JAKMIP2: variants seen among roughly 807,000 people sequenced by gnomAD.
The protein encoded by JAKMIP2 is janus kinase and microtubule-interacting protein 2.
In JAKMIP2, 25 loss-of-function variants were observed where a neutral mutation model predicts 115.0. The ratio of observed to expected loss-of-function variants is 0.22; its 90% CI spans 0.16 to 0.30. The LOEUF is 0.30. JAKMIP2 is among the 10% of genes least tolerant of loss of function. The pLI, the probability that JAKMIP2 is intolerant of heterozygous loss-of-function variation, is 1.00. For synonymous variants in JAKMIP2, 334 were observed against 343.6 expected (o/e 0.97, Z 0.31); for missense variants, 642 against 957.6 (o/e 0.67, Z 4.35).
At chr5:147,600,102 T>A (rs1405848053) in intron 21 of JAKMIP2, among the ~76,000 whole-genome samples, 1 of 148,614 alleles carries the variant, frequency 6.7e-6, no homozygotes, top group East Asian at 2.0e-4. Flanking sequence ...TTTTTTTTTT[T>A]TTTTTTTTTG....
chr5:147,725,823 T>C (rs1753494268), intron 1 of JAKMIP2, among the ~76,000 whole-genome samples: 2 of 152,152 alleles, frequency 1.3e-5, no homozygotes, highest in South Asian at 4.1e-4. Context: ...ATTGCTATTC[T>C]CTTTGGATTA....
chr5:147,685,510 A>T (rs752842891), intron 1 of JAKMIP2, among the ~76,000 whole-genome samples: 1 of 152,210 alleles, frequency 6.6e-6, no homozygotes, highest in Non-Finnish European at 1.5e-5. Context: ...GGCAGTGCAT[A>T]ATAACATGGC....
chr5:147,719,662 G>T (rs200928383), intron 1 of JAKMIP2, among the ~76,000 whole-genome samples: 66,667 of 149,216 alleles, frequency 0.45, 15,854 homozygotes, highest in African/African-American at 0.61. Context: ...CAGAGACTAG[G>T]ATTGCAACCC....
chr5:147,596,142 C>T (rs946442170), intron 21 of JAKMIP2, among the ~76,000 whole-genome samples: 1 of 151,950 alleles, frequency 6.6e-6, no homozygotes, highest in African/African-American at 2.4e-5. Flanking sequence ...TGAGAGATTG[C>T]CCGTGTGGTT....
intron 20 of JAKMIP2, 96 bp downstream of exon 20, chr5:147,612,210 A>T (rs952175267): frequency 2.3e-6 from 2 of 869,858 alleles, no homozygotes; most frequent in African/African-American, 3.3e-5. Context: ...CAAGACACAC[A>T]ATAACTGAGA....
intron 1 of JAKMIP2, among the ~76,000 whole-genome samples, chr5:147,743,522 C>A (rs1463427737): frequency 6.6e-6 from 1 of 152,182 alleles, no homozygotes; most frequent in East Asian, 1.9e-4. Flanking sequence ...TGAGGTTTGA[C>A]ACACAGAAAC....
intron 1 of JAKMIP2, among the ~76,000 whole-genome samples, chr5:147,720,880 C>T (rs1753247544): frequency 6.6e-6 from 1 of 152,160 alleles, no homozygotes; most frequent in Admixed American, 6.5e-5. Flanking sequence ...AGCTTTGTTC[C>T]ATTGCTGGTG....
intron 3 of JAKMIP2, among the ~76,000 whole-genome samples, chr5:147,659,767 G>A (rs1339994602): frequency 1.3e-5 from 2 of 152,094 alleles, no homozygotes; most frequent in African/African-American, 4.8e-5. Flanking sequence ...CACTGTGTTT[G>A]GTCTTTATTG....
Position 147,742,155 on chromosome 5 carries a change from A to ATATATATATATATATTTTT in JAKMIP2, c.-149+40300_-149+40301insAAAAATATATATATATATA. Among the ~76,000 whole-genome samples, 60 of 108,880 alleles carry ATATATATATATATATTTTT rather than the reference A, an allele frequency of 5.5e-4. 3 individuals are homozygous for ATATATATATATATATTTTT. The highest frequency in any genetic ancestry group is 2.0e-3 in the East Asian group (6 of 3,060). 71.4% of individuals were successfully genotyped at this position (108,880 alleles called of 152,430 possible). On this transcript the variant is annotated intron_variant, in intron 1 of 21. Coordinates refer to ENST00000616793, the MANE Select transcript of JAKMIP2 (RefSeq NM_001270941.2). Reference sequence around the variant, plus strand: ...TGTGGATCATTATATATATATATATATTTTTTTTACTATTGTATTGTATCT... The same window carrying ATATATATATATATATTTTT: ...TGTGGATCATTATATATATATATATATATATATATATATATTTTTTTTTTTTTACTATTGTATTGTATCT...
At chr5:147,755,769 T>G (rs1754722871) in intron 1 of JAKMIP2, among the ~76,000 whole-genome samples, 1 of 152,110 alleles carries the variant, frequency 6.6e-6, no homozygotes, top group African/African-American at 2.4e-5. Context: ...TCCTCCCACC[T>G]CAGCCACCGG....
rs1338319225 is a variant in JAKMIP2 at position 147,588,696 on chromosome 5, A to G, written c.*3011T>C. ...AATCTCCCAGATCTTAAGCAAAAAG[A>G]AAAAACAAGCAAACCTTTTGCCTGG... On this transcript the variant is annotated 3_prime_UTR_variant, in exon 22 of 22. Coordinates refer to ENST00000616793, the MANE Select transcript of JAKMIP2 (RefSeq NM_001270941.2). 6.6e-6 allele frequency: 1 copy of G among 152,216 alleles called. No individual in the cohort carries two copies. Among genetic ancestry groups the G allele is most frequent in the Non-Finnish European group, 1.5e-5 (1 of 68,042 alleles). The allele number at this position is 152,216 out of a possible 1,614,324, so 9.4% of individuals were successfully genotyped here. A position where few individuals can be genotyped will look rare whatever the true frequency, so the allele number is the denominator to read the frequency against.
chr5:147,616,137 C>T (rs969982742), intron 19 of JAKMIP2, among the ~76,000 whole-genome samples: 1 of 152,004 alleles, frequency 6.6e-6, no homozygotes, highest in East Asian at 1.9e-4. Context: ...CATCAGTTCA[C>T]TCTTAAACAT....
intron 18 of JAKMIP2, among the ~76,000 whole-genome samples, chr5:147,620,317 G>T (rs544818741): frequency 6.6e-6 from 1 of 152,258 alleles, no homozygotes; most frequent in Admixed American, 6.5e-5. Flanking sequence ...GTTTCACCAT[G>T]TTGCTCACGC....
intron 1 of JAKMIP2, among the ~76,000 whole-genome samples, chr5:147,774,290 G>T (rs531368105): frequency 6.6e-6 from 1 of 152,184 alleles, no homozygotes; most frequent in East Asian, 1.9e-4. Flanking sequence ...TTCATAATCT[G>T]AATTACCTAG....
intron 19 of JAKMIP2, among the ~76,000 whole-genome samples, chr5:147,613,451 G>A (rs1399563315): frequency 1.3e-5 from 2 of 152,210 alleles, no homozygotes; most frequent in African/African-American, 2.4e-5. Context: ...CTCTTTAAAA[G>A]AGTAGATCTC....
intron 1 of JAKMIP2, among the ~76,000 whole-genome samples, chr5:147,721,012 T>C (rs1198362099): frequency 2.6e-5 from 4 of 151,656 alleles, no homozygotes; most frequent in Admixed American, 6.6e-5. Flanking sequence ...GATGGTGATG[T>C]ACAGATGGGT....
chr5:147,661,159 T>G lies in JAKMIP2; in HGVS notation c.416A>C (p.Glu139Ala), dbSNP rs767908268. ...VRTALTIEAR[E>A]EARKLFDTER... ...TGTGTCAAACAGTTTCCGGGCCTCCTCCCGGGCCTCAATGGTGAGCGCTGT... is the reference window on the plus strand; with the variant it reads ...TGTGTCAAACAGTTTCCGGGCCTCCGCCCGGGCCTCAATGGTGAGCGCTGT... Residue 139 changes from glutamate to alanine, a missense_variant, in exon 3 of 22, where the codon GAG (glutamate) becomes GCG (alanine). This residue lies in a region of JAKMIP2 where 439 missense variants were observed against 570.9 expected (regional missense o/e 0.77). Transcript: ENST00000616793. 1.2e-6 allele frequency: 2 copies of G among 1,614,060 alleles called. No homozygotes were observed. The highest frequency in any genetic ancestry group is 1.3e-5 in the African/African-American group (1 of 75,006).
intron 15 of JAKMIP2, 30 bp downstream of exon 15, chr5:147,629,663 A>T (rs775120914): frequency 3.8e-6 from 6 of 1,567,882 alleles, no homozygotes; most frequent in Non-Finnish European, 5.3e-6. Context: ...AGGCAAATTC[A>T]TATCTATACT....
At chr5:147,623,370 A>T (rs572972662) in intron 17 of JAKMIP2, among the ~76,000 whole-genome samples, 346 of 152,286 alleles carry the variant, frequency 2.3e-3, no homozygotes, top group Non-Finnish European at 3.6e-3. Context: ...GAAAGAAAAC[A>T]TAAGAAAACT....
Sources: gnomAD v4.1 joint callset for allele counts (sites outside exome capture counted in the v4.1 genomes callset) on GRCh38, gnomAD v4.1.1 for gene constraint, gnomAD v4.1.1 regional missense constraint, MANE v1.5 for transcripts, NCBI Gene and HGNC (gene_info 2026-07-23, HGNC 2026-07-21) for gene names.